NUP160: variants seen among roughly 807,000 people sequenced by gnomAD.
NUP160 encodes the protein nuclear pore complex protein Nup160.
Under a neutral mutation model 196.9 loss-of-function variants are expected in NUP160, and 94 were observed. The ratio of observed to expected loss-of-function variants is 0.48; its 90% CI spans 0.40 to 0.57. The LOEUF (loss-of-function observed/expected upper bound fraction) is 0.57, where lower values mean the gene tolerates loss of function less well. Among genes scored for constraint, NUP160 ranks in the 20% least tolerant of loss-of-function variants. NUP160 has a pLI of 0.00. For missense variants in NUP160, 1,638 were observed against 1,748.3 expected (o/e 0.94, Z 1.13); for synonymous variants, 605 against 619.7 (o/e 0.98, Z 0.35).
intron 2 of NUP160, among the ~76,000 whole-genome samples, chr11:47,845,763 T>C (rs1852389313): frequency 6.6e-6 from 1 of 152,156 alleles, no homozygotes; most frequent in Non-Finnish European, 1.5e-5. Context: ...TGGAGTGCAG[T>C]GGCATGATCG....
intron 23 of NUP160, among the ~76,000 whole-genome samples, chr11:47,800,042 C>A (rs2097673250): frequency 6.6e-6 from 1 of 151,914 alleles, no homozygotes; most frequent in African/African-American, 2.4e-5. Context: ...TCACTAGAGG[C>A]CAGGAGTTCG....
intron 22 of NUP160, among the ~76,000 whole-genome samples, chr11:47,803,142 A>AAATAATAATAATAATAATAATAAT (rs55654627): frequency 7.2e-6 from 1 of 139,058 alleles, no homozygotes; most frequent in Non-Finnish European, 1.5e-5. Context: ...TGATTTTACA[A>AAATAATAATAATAATAATAATAAT]AATAATAATA....
chr11:47,807,405 C>G (rs894601972), intron 18 of NUP160, among the ~76,000 whole-genome samples: 3 of 152,064 alleles, frequency 2.0e-5, no homozygotes, highest in African/African-American at 7.2e-5. Context: ...GTGGCTCATG[C>G]CTGTAATCCC....
intron 2 of NUP160, among the ~76,000 whole-genome samples, chr11:47,841,110 T>G (rs1460273483): frequency 1.3e-5 from 2 of 152,178 alleles, no homozygotes; most frequent in Non-Finnish European, 2.9e-5. Context: ...TAAAAATACC[T>G]TCGCAAATTG....
chr11:47,806,850 CACAT>C (rs1192440614), intron 19 of NUP160, among the ~76,000 whole-genome samples: 10 of 113,704 alleles, frequency 8.8e-5, no homozygotes, highest in East Asian at 2.8e-4. Flanking sequence ...CACACACACA[CACAT>C]ATATATACCA....
chr11:47,785,006 C>T, exon 33 of NUP160: 1 of 1,603,576 alleles, frequency 6.2e-7, no homozygotes, highest in Non-Finnish European at 8.5e-7. Flanking sequence ...ACAAGTTATT[C>T]TGGACTTTGT....
chr11:47,830,237 A>G (rs1182663895), intron 7 of NUP160, among the ~76,000 whole-genome samples: 4 of 152,218 alleles, frequency 2.6e-5, no homozygotes, highest in African/African-American at 9.6e-5. Context: ...TGCAGAGAAA[A>G]GGGAACATTT....
chr11:47,833,997 C>T (rs763549433), intron 7 of NUP160, among the ~76,000 whole-genome samples: 5 of 152,182 alleles, frequency 3.3e-5, no homozygotes, highest in African/African-American at 1.2e-4. Context: ...GCTGTCAGCA[C>T]AACTACATAC....
At chr11:47,836,781 C>A in intron 6 of NUP160, 106 bp downstream of exon 6, 6 of 678,342 alleles carry the variant, frequency 8.8e-6, no homozygotes, top group South Asian at 1.9e-5. Flanking sequence ...CAATAAGTTC[C>A]AAACCAATTG....
intron 20 of NUP160, 47 bp downstream of exon 20, chr11:47,806,106 G>A (rs2097677440): frequency 1.3e-6 from 2 of 1,581,558 alleles, no homozygotes; most frequent in Non-Finnish European, 1.7e-6. Context: ...GAGCCAACAT[G>A]CCCGGCCAGA....
chr11:47,806,319 A>G lies in NUP160; in HGVS notation c.2447-7T>C, dbSNP rs1227841733. On this transcript the variant is annotated splice_region_variant and splice_polypyrimidine_tract_variant and intron_variant, in intron 19 of 35. Transcript: ENST00000378460. ...ATAGTCTGAGGACTAGATACTTAAA[A>G]AGAAAAAGTTATGACAGTTTTGTGT... 1 of 1,604,510 alleles carries G rather than the reference A, an allele frequency of 6.2e-7. No homozygotes were observed. Among genetic ancestry groups the G allele is most frequent in the Non-Finnish European group, 8.5e-7 (1 of 1,173,908 alleles).
Position 47,792,693 on chromosome 11 carries a change from C to G in NUP160, c.3450+93G>C, listed in dbSNP as rs1332974603. ...AGTAGAAATTGTAAATCAAAAGAAGCAAAATGACACAATAGTTTTGAAAGG... is the reference window on the plus strand; with the variant it reads ...AGTAGAAATTGTAAATCAAAAGAAGGAAAATGACACAATAGTTTTGAAAGG... On this transcript the variant is annotated intron_variant, in intron 28 of 35. Coordinates refer to ENST00000378460, the Ensembl canonical transcript of NUP160. 6 of 1,189,362 alleles carry G rather than the reference C, an allele frequency of 5.0e-6. No individual in the cohort carries two copies. In the East Asian group the frequency reaches 8.0e-5, roughly 16 times the overall value. 73.7% of individuals were successfully genotyped at this position (1,189,362 alleles called of 1,614,324 possible).
At chr11:47,830,332 C>T (rs889198372) in intron 7 of NUP160, among the ~76,000 whole-genome samples, 1 of 152,178 alleles carries the variant, frequency 6.6e-6, no homozygotes, top group Non-Finnish European at 1.5e-5. Context: ...AACAGAACTA[C>T]CATTCCACTC....
In NUP160 at chr11:47,816,167, A is replaced by T. The variant is rs1409619725; in HGVS notation, c.1432-138T>A. ...ACCTGGAACACACATCACCCAAGAGAAAGTTAAGAAACTGGGTGTATTTAG... is the reference window on the plus strand; with the variant it reads ...ACCTGGAACACACATCACCCAAGAGTAAGTTAAGAAACTGGGTGTATTTAG... On this transcript the variant is annotated intron_variant, in intron 11 of 35. Transcript: ENST00000378460. 7 of 547,674 alleles carry T rather than the reference A, an allele frequency of 1.3e-5. No individual in the cohort carries two copies. The Admixed American group carries it at 2.5e-4, about 19-fold the overall frequency. 33.9% of individuals were successfully genotyped at this position (547,674 alleles called of 1,614,324 possible).
intron 7 of NUP160, among the ~76,000 whole-genome samples, chr11:47,825,820 G>GTCC (rs1851955406): frequency 6.6e-6 from 1 of 152,104 alleles, no homozygotes; most frequent in African/African-American, 2.4e-5. Context: ...CTGACCTCAG[G>GTCC]TGATCTGCCC....
At chr11:47,815,588 T>C (rs1313497506) in exon 13 of NUP160, 2 of 1,613,106 alleles carry the variant, frequency 1.2e-6, no homozygotes, top group South Asian at 2.2e-5. Context: ...GCACCAGAAT[T>C]CTTGTTGTAA....
chr11:47,815,341 G>C (rs2135378645), intron 13 of NUP160, 138 bp downstream of exon 13: 1 of 509,122 alleles, frequency 2.0e-6, no homozygotes, highest in East Asian at 3.3e-5. Flanking sequence ...CAAATGCAAA[G>C]TCCTAAATGC....
intron 11 of NUP160, 110 bp from the exon 12 acceptor site, chr11:47,816,139 C>A: frequency 1.5e-6 from 1 of 686,930 alleles, no homozygotes. Flanking sequence ...AGAGATTTGG[C>A]ATACCTGGAA....
chr11:47,800,168 C>T (rs372616615), intron 23 of NUP160, among the ~76,000 whole-genome samples: 139 of 151,006 alleles, frequency 9.2e-4, no homozygotes, highest in South Asian at 2.1e-3. Context: ...GCAGGAGAAT[C>T]GCTTCAACCT....
Sources: gnomAD v4.1 joint callset for allele counts (sites outside exome capture counted in the v4.1 genomes callset) on GRCh38, gnomAD v4.1.1 for gene constraint, MANE v1.5 for transcripts, NCBI Gene and HGNC (gene_info 2026-07-23, HGNC 2026-07-21) for gene names.